The following CIC variants were observed in gnomAD, a reference collection of about 807,000 sequenced individuals.
The protein encoded by CIC is protein capicua homolog.
In CIC, 18 loss-of-function variants were observed where a neutral mutation model predicts 115.7. The ratio of observed to expected loss-of-function variants is 0.16; its 90% CI spans 0.11 to 0.23. CIC has a LOEUF of 0.23. CIC is among the 10% of genes least tolerant of loss of function. The pLI, the probability that CIC is intolerant of heterozygous loss-of-function variation, is 1.00. For missense variants in CIC, 2,000 were observed against 2,159.3 expected (o/e 0.93, Z 1.46); for synonymous variants, 1,076 against 923.0 (o/e 1.17, Z -3.01).
chr19:42,292,005 G>T, intron 12 of CIC, 81 bp from the exon 13 acceptor site: 1 of 1,597,462 alleles, frequency 6.3e-7, no homozygotes, highest in East Asian at 2.2e-5. Flanking sequence ...TTTGCTTAGA[G>T]TCCCACTTGA....
chr19:42,268,784 A>C (rs944453678), upstream of CIC, among the ~76,000 whole-genome samples: 1 of 152,226 alleles, frequency 6.6e-6, no homozygotes, highest in East Asian at 1.9e-4. Flanking sequence ...TCCCAGCAGG[A>C]ACTGCGACTA....
chr19:42,287,652 C>A lies in CIC; in HGVS notation c.3417C>A (p.Val1139=), dbSNP rs202213460. Residue 1139 remains valine (V), a synonymous_variant, in exon 6 of 21, where the codon GTC becomes GTA. Transcript: ENST00000681038. This position sits in a 1 kb window ranked among gnomAD's most constrained non-coding sequence, Gnocchi z 8.7. ...ATCCCAACCAGGACAACCGGACCGT[C>A]AGCAAGATCCTGGGCGAGTGGTGGT... The part of the protein sequence containing the change: ...QRHPNQDNRT[V]SKILGEWWYA... 6.2e-7 allele frequency: 1 copy of A among 1,614,100 alleles called. No individual in the cohort carries two copies. Among genetic ancestry groups the A allele is most frequent in the East Asian group, 2.2e-5 (1 of 44,890 alleles).
rs997344017 is a variant in CIC at position 42,294,070 on chromosome 19, G to A, written c.6903G>A (p.Lys2301=). 6.2e-7 allele frequency: 1 copy of A among 1,613,606 alleles called. No individual in the cohort carries two copies. The highest frequency in any genetic ancestry group is 8.5e-7 in the Non-Finnish European group (1 of 1,180,030). The change falls in exon 18 of 21, where the codon AAG becomes AAA. Residue 2301 remains lysine, a synonymous_variant. Transcript: ENST00000681038. ...GGGCCATCCTGGGCTCTTACCGCAA[G>A]AAGAGGAAGAACTCCACGGGTAGGC... is the stretch of plus-strand genomic sequence containing the variant. ...SPRAILGSYR[K]KRKNSTDLDS... is the part of the protein sequence containing the mutation.
chr19:42,294,544 C>T (rs780562524), intron 19 of CIC, 60 bp from the exon 20 acceptor site: 78 of 1,608,150 alleles, frequency 4.9e-5, no homozygotes, highest in South Asian at 3.6e-4. Flanking sequence ...GGCACTCAGA[C>T]GGTGGCAGGA....
Position 42,275,421 on chromosome 19 carries a change from G to A in CIC, c.2794+844G>A, listed in dbSNP as rs556653030. Among the ~76,000 whole-genome samples, 3 of 152,348 alleles carry A rather than the reference G, an allele frequency of 2.0e-5. No homozygotes were observed. In the South Asian group the frequency reaches 6.2e-4, roughly 32 times the overall value. On this transcript the variant is annotated intron_variant, in intron 2 of 20. Transcript: ENST00000681038. ...GAAGGATGAGTGGGAACCTGCAACC[G>A]TGGGGTGGAAGAGCCTCCTGGGAGG... is the stretch of plus-strand genomic sequence containing the variant.
chr19:42,284,303 G>T (rs972749127), intron 2 of CIC: 1 of 146,248 alleles, frequency 6.8e-6, no homozygotes, highest in South Asian at 2.1e-4. Context: ...GGAGGGGGCC[G>T]CCCCCGCGCA....
At chr19:42,276,832 G>A (rs1489742412) in intron 2 of CIC, among the ~76,000 whole-genome samples, 1 of 152,134 alleles carries the variant, frequency 6.6e-6, no homozygotes, top group Admixed American at 6.5e-5. Flanking sequence ...TGCTGTGTGG[G>A]GAGGAATGGC....
Position 42,294,056 on chromosome 19 carries a change from G to T in CIC, c.6889G>T (p.Gly2297Cys). The change falls in exon 18 of 21, where the codon GGC becomes TGC. Residue 2297 changes from glycine to cysteine, a missense_variant. Physicochemically the swap from Gly to Cys is radical, Grantham distance 159. Transcript: ENST00000681038. ...GGCCACCTCACCCCGGGCCATCCTGGGCTCTTACCGCAAGAAGAGGAAGAA... is the reference window on the plus strand; with the variant it reads ...GGCCACCTCACCCCGGGCCATCCTGTGCTCTTACCGCAAGAAGAGGAAGAA... The part of the protein sequence containing the change: ...SLATSPRAIL[G>C]SYRKKRKNST... 6.2e-7 allele frequency: 1 copy of T among 1,613,556 alleles called. No homozygotes were observed. Among genetic ancestry groups the T allele is most frequent in the South Asian group, 1.1e-5 (1 of 91,090 alleles).
rs2147269680 is a variant in CIC, at chr19:42,291,212, C to T, written c.5171C>T (p.Ala1724Val). ...CCCCTGGGCATCCTGCAACCAGGTG[C>T]CCTGGGCAAGGCTGGGGGAATCACC... ...PVPLGILQPG[A>V]LGKAGGITQV... The change falls in exon 11 of 21, where the codon GCC (alanine) becomes GTC (valine). Residue 1724 changes from alanine (A) to valine (V), a missense_variant. By Grantham distance (64) the Ala-to-Val change is moderately conservative. Around this residue, in one of 8 missense-constraint regions of CIC, gnomAD observed 1,466 missense variants for 1,390.4 expected, o/e 1.05. Coordinates refer to ENST00000681038, the MANE Select transcript of CIC (RefSeq NM_001386298.1). 1 of 1,610,758 alleles carries T rather than the reference C, an allele frequency of 6.2e-7. No individual in the cohort carries two copies. Among genetic ancestry groups the T allele is most frequent in the Non-Finnish European group, 8.5e-7 (1 of 1,178,752 alleles).
intron 2 of CIC, among the ~76,000 whole-genome samples, chr19:42,277,633 G>T (rs4803530): frequency 1.3e-5 from 2 of 152,220 alleles, no homozygotes; most frequent in Non-Finnish European, 2.9e-5. Context: ...TCTACTGAGC[G>T]AAGACTGTGT....
chr19:42,283,962 C>T (rs2037400112), intron 2 of CIC: 8 of 150,204 alleles, frequency 5.3e-5, no homozygotes, highest in South Asian at 2.1e-4. Flanking sequence ...AGCCAATGGG[C>T]TCACGCGCGG....
At chr19:42,284,585 G>A in intron 2 of CIC, 1 of 403,474 alleles carries the variant, frequency 2.5e-6, no homozygotes. Context: ...GGGGCATGCG[G>A]CGACGGCCTC....
chr19:42,292,975 C>T lies in CIC; in HGVS notation c.6216C>T (p.Ser2072=). The T allele has an allele frequency of 3.1e-6, 5 of 1,613,754 alleles. No homozygotes were observed. Among genetic ancestry groups the T allele is most frequent in the Non-Finnish European group, 4.2e-6 (5 of 1,180,010 alleles). ...PSATAGSMTY[S]LVAPKAQRPS... is the part of the protein sequence containing the mutation. ...CACTAGCAGGTTCCATGACCTACAG[C>T]TTAGTGGCCCCCAAGGCCCAGCGGC... The change falls in exon 16 of 21, where the codon AGC becomes AGT. Residue 2072 remains serine, a synonymous_variant. Transcript: ENST00000681038.
Position 42,287,038 on chromosome 19 carries a change from C to T in CIC, c.2977C>T (p.Arg993Trp), listed in dbSNP as rs1225908345. Residue 993 changes from arginine (R) to tryptophan (W), a missense_variant, in exon 4 of 21, where the codon CGG becomes TGG. Coordinates refer to ENST00000681038, the MANE Select transcript of CIC (RefSeq NM_001386298.1). The surrounding 1 kb of genome is among the most constrained non-coding windows in gnomAD (Gnocchi z 8.7). ...TGAGTCGGCAGCTGTTGCTCATGAACGGCCACCAGGTGGGACAGGGAGTGC... is the reference window on the plus strand; with the variant it reads ...TGAGTCGGCAGCTGTTGCTCATGAATGGCCACCAGGTGGGACAGGGAGTGC... ...PAESAAVAHE[R>W]PPGGTGSADP... The T allele has an allele frequency of 4.3e-6, 7 of 1,611,364 alleles. No individual in the cohort carries two copies. Among genetic ancestry groups the T allele is most frequent in the Non-Finnish European group, 5.9e-6 (7 of 1,179,994 alleles).
In CIC at chr19:42,292,979, G is replaced by C. The variant is rs1442170784; in HGVS notation, c.6220G>C (p.Val2074Leu). The part of the protein sequence containing the change: ...ATAGSMTYSL[V>L]APKAQRPSPK... ...AGCAGGTTCCATGACCTACAGCTTA[G>C]TGGCCCCCAAGGCCCAGCGGCCCAG... The change falls in exon 16 of 21, where the codon GTG becomes CTG. Residue 2074 changes from valine (V) to leucine (L), a missense_variant. Val to Leu is a conservative substitution (Grantham distance 32). Transcript: ENST00000681038. 2 of 1,613,538 alleles carry C rather than the reference G, an allele frequency of 1.2e-6. No homozygotes were observed. The highest frequency in any genetic ancestry group is 2.7e-5 in the African/African-American group (2 of 74,904).
In CIC at chr19:42,293,969, T is replaced by A. The variant is rs749934502; in HGVS notation, c.6802T>A (p.Phe2268Ile). The change falls in exon 18 of 21, where the codon TTT becomes ATT. Residue 2268 changes from phenylalanine to isoleucine, a missense_variant. Phe to Ile is a conservative substitution (Grantham distance 21). Around this residue, in one of 8 missense-constraint regions of CIC, gnomAD observed 99 missense variants for 217.6 expected, o/e 0.45. Transcript: ENST00000681038. ...VLSEVDFEER[F>I]AELPEFRPEE... The stretch of plus-strand genomic sequence containing the variant: ...GTCAGAAGTGGACTTCGAAGAGCGC[T>A]TTGCTGAGTTGCCTGAGTTTCGGCC... 2 of 1,613,520 alleles carry A rather than the reference T, an allele frequency of 1.2e-6. No individual in the cohort carries two copies. The highest frequency in any genetic ancestry group is 1.7e-6 in the Non-Finnish European group (2 of 1,180,004).
chr19:42,293,522 C>CT (rs551766765), intron 16 of CIC, 70 bp from the exon 17 acceptor site: 22 of 1,610,656 alleles, frequency 1.4e-5, no homozygotes, highest in Non-Finnish European at 1.0e-5. Flanking sequence ...AGATCCAACT[C>CT]TTTGTTTCTG....
chr19:42,295,160 C>A lies in CIC; in HGVS notation c.7523C>A (p.Pro2508Gln). 5.3e-6 allele frequency: 8 copies of A among 1,501,582 alleles called. No homozygotes were observed. The highest frequency in any genetic ancestry group is 7.1e-6 in the Non-Finnish European group (8 of 1,127,884). 93.0% of individuals were successfully genotyped at this position (1,501,582 alleles called of 1,614,324 possible). ...GCTCCCCAGCCCTCCCCCCCACCCC[C>A]AGGTCCCTCCACAGCTGCCACAGGC... Reference protein sequence around the residue: ...EGAPQPSPPPPGPSTAATGR With the variant: ...EGAPQPSPPPQGPSTAATGR The change falls in exon 21 of 21, where the codon CCA (proline) becomes CAA (glutamine). Residue 2508 changes from proline to glutamine, a missense_variant. This residue lies in a region of CIC where 133 missense variants were observed against 116.0 expected (regional missense o/e 1.15). Coordinates refer to ENST00000681038, the MANE Select transcript of CIC (RefSeq NM_001386298.1).
In CIC at chr19:42,291,886, C is replaced by T. The variant is rs943712874; in HGVS notation, c.5613+141C>T. On this transcript the variant is annotated intron_variant, in intron 12 of 20. Coordinates refer to ENST00000681038, the MANE Select transcript of CIC (RefSeq NM_001386298.1). ...ATCTTCCGTGATGTCTCTGTGCATC[C>T]TGACTCTCTCAAGTCCTCAGTGTCT... 1.8e-5 allele frequency: 23 copies of T among 1,301,628 alleles called. No individual in the cohort carries two copies. In the Middle Eastern group the frequency reaches 3.4e-3, roughly 195 times the overall value. 80.6% of individuals were successfully genotyped at this position (1,301,628 alleles called of 1,614,324 possible).
Sources: allele counts gnomAD v4.1 joint callset (sites outside exome capture counted in the v4.1 genomes callset), GRCh38; gene constraint gnomAD v4.1.1; regional missense constraint gnomAD v4.1.1; non-coding constraint Gnocchi (gnomAD v3.1); transcripts MANE v1.5; gene names NCBI Gene and HGNC (gene_info 2026-07-23, HGNC 2026-07-21).